SLIT3: variants seen among roughly 807,000 people sequenced by gnomAD.
The protein encoded by SLIT3 is slit homolog 3 protein.
In SLIT3, 68 loss-of-function variants were observed where a neutral mutation model predicts 184.0. The observed-to-expected ratio is 0.37, with a 90% CI of 0.30 to 0.45. The LOEUF (loss-of-function observed/expected upper bound fraction) is 0.45. Among genes scored for constraint, SLIT3 ranks in the 20% least tolerant of loss-of-function variants. SLIT3 has a pLI of 1.00. For missense variants in SLIT3, 1,707 were observed against 2,026.0 expected (o/e 0.84, Z 3.02); for synonymous variants, 831 against 828.6 (o/e 1.00, Z -0.05).
At chr5:169,133,251 C>G (rs1761370605) in intron 4 of SLIT3, among the ~76,000 whole-genome samples, 1 of 152,254 alleles carries the variant, frequency 6.6e-6, no homozygotes, top group African/African-American at 2.4e-5. Context: ...GGGCACGGCC[C>G]AGGCACAAGC....
chr5:168,681,679 A>G (rs1761596480), intron 32 of SLIT3, among the ~76,000 whole-genome samples: 1 of 152,166 alleles, frequency 6.6e-6, no homozygotes, highest in African/African-American at 2.4e-5. Context: ...AACTCAGCAC[A>G]GTGCTGCGAC....
intron 4 of SLIT3, among the ~76,000 whole-genome samples, chr5:169,097,378 A>G (rs887581214): frequency 6.6e-6 from 1 of 152,102 alleles, no homozygotes; most frequent in African/African-American, 2.4e-5. Flanking sequence ...GAGGAGGAAA[A>G]GGGGAGAGGA....
chr5:168,967,374 A>G (rs1475863825), intron 4 of SLIT3, among the ~76,000 whole-genome samples: 1 of 150,630 alleles, frequency 6.6e-6, no homozygotes, highest in African/African-American at 2.4e-5. Context: ...CAGTAAATAT[A>G]TAACACTTGC....
In SLIT3 at chr5:169,193,373, C is replaced by T. The variant is rs187333172; in HGVS notation, c.413+106G>A. 252 of 888,892 alleles carry T rather than the reference C, an allele frequency of 2.8e-4. 1 individual carries two copies. In the East Asian group the frequency reaches 6.1e-3, roughly 21 times the overall value. The allele number at this position is 888,892 out of a possible 1,614,324, so 55.1% of individuals were successfully genotyped here. On this transcript the variant is annotated intron_variant, in intron 4 of 35. Coordinates refer to ENST00000519560, the MANE Select transcript of SLIT3 (RefSeq NM_003062.4). ...CCTGCTCCAAGTCTCTATGTCAGGGCCTAACTGCCAAGCTCCACACGGCAC... is the reference window on the plus strand; with the variant it reads ...CCTGCTCCAAGTCTCTATGTCAGGGTCTAACTGCCAAGCTCCACACGGCAC...
chr5:169,251,252 A>G (rs1765763423), intron 2 of SLIT3, 136 bp downstream of exon 2: 1 of 687,586 alleles, frequency 1.5e-6, no homozygotes, highest in African/African-American at 1.7e-5. Flanking sequence ...TACGCTAACG[A>G]GGGGCTTTCT....
chr5:169,145,827 T>C (rs965819987), intron 4 of SLIT3, among the ~76,000 whole-genome samples: 3 of 152,172 alleles, frequency 2.0e-5, no homozygotes, highest in African/African-American at 7.2e-5. Flanking sequence ...GCGGACAGAT[T>C]GCCTGAGGTC....
chr5:169,112,735 G>A (rs558314604), intron 4 of SLIT3, among the ~76,000 whole-genome samples: 1 of 152,262 alleles, frequency 6.6e-6, no homozygotes, highest in South Asian at 2.1e-4. Context: ...CACCCAATGG[G>A]AGTCATGAGC....
intron 1 of SLIT3, among the ~76,000 whole-genome samples, chr5:169,288,995 C>T (rs62376948): frequency 0.021 from 3,149 of 152,272 alleles, 52 homozygotes; most frequent in Non-Finnish European, 0.032. Flanking sequence ...TGGGTGGACT[C>T]ATTAAGGTAT....
At chr5:169,056,095 T>C (rs997367180) in intron 4 of SLIT3, among the ~76,000 whole-genome samples, 2 of 152,030 alleles carry the variant, frequency 1.3e-5, no homozygotes, top group African/African-American at 4.8e-5. Context: ...TTTGTAGAAG[T>C]CCAGGAACAA....
At chr5:169,293,681 C>A (rs2113663526) in intron 1 of SLIT3, among the ~76,000 whole-genome samples, 1 of 152,236 alleles carries the variant, frequency 6.6e-6, no homozygotes, top group South Asian at 2.1e-4. Flanking sequence ...GGCTTTGGGC[C>A]CCAGAGTCTG....
chr5:168,960,328 A>G (rs1199196965), intron 4 of SLIT3, among the ~76,000 whole-genome samples: 1 of 152,234 alleles, frequency 6.6e-6, no homozygotes, highest in Non-Finnish European at 1.5e-5. Context: ...TCTGAATTAC[A>G]AAGTTTTTGA....
chr5:168,936,296 G>A (rs1291591120), intron 4 of SLIT3, among the ~76,000 whole-genome samples: 1 of 152,154 alleles, frequency 6.6e-6, no homozygotes, highest in Non-Finnish European at 1.5e-5. Context: ...GTTCAGTGGT[G>A]CAATCTCGGC....
chr5:168,868,735 G>T (rs1759399781), intron 5 of SLIT3, among the ~76,000 whole-genome samples: 1 of 139,576 alleles, frequency 7.2e-6, no homozygotes. Flanking sequence ...GTGGCAGTGT[G>T]GGAATCTGCC....
At chr5:169,186,125 G>A (rs565817572) in intron 4 of SLIT3, among the ~76,000 whole-genome samples, 12 of 152,196 alleles carry the variant, frequency 7.9e-5, no homozygotes, top group Admixed American at 5.2e-4. Flanking sequence ...CTCCCTCCCC[G>A]AAATGCTTAT....
At chr5:169,207,282 C>A (rs1450160594) in intron 3 of SLIT3, among the ~76,000 whole-genome samples, 1 of 151,548 alleles carries the variant, frequency 6.6e-6, no homozygotes, top group Non-Finnish European at 1.5e-5. Flanking sequence ...TGGCCCAATT[C>A]GTGGACTGAA....
intron 4 of SLIT3, among the ~76,000 whole-genome samples, chr5:169,190,756 A>G (rs1763527599): frequency 6.6e-6 from 1 of 152,210 alleles, no homozygotes; most frequent in African/African-American, 2.4e-5. Context: ...CACTGTGTCT[A>G]TTGAGATGCA....
At chr5:168,765,166 C>T (rs906963243) in intron 14 of SLIT3, among the ~76,000 whole-genome samples, 5 of 152,246 alleles carry the variant, frequency 3.3e-5, no homozygotes, top group Middle Eastern at 3.4e-3. Context: ...AGGCGTGCAC[C>T]GGCTGGGCTG....
chr5:169,211,101 C>G (rs1431970291), intron 3 of SLIT3, among the ~76,000 whole-genome samples: 2 of 152,118 alleles, frequency 1.3e-5, no homozygotes, highest in African/African-American at 4.8e-5. Flanking sequence ...TTCCTGAACC[C>G]AAATCACAGC....
At chr5:169,260,339 C>T (rs1409075423) in intron 1 of SLIT3, among the ~76,000 whole-genome samples, 9 of 152,108 alleles carry the variant, frequency 5.9e-5, no homozygotes, top group Non-Finnish European at 8.8e-5. Context: ...GCACTCACTA[C>T]GCTTTCCACC....
Sources: allele counts gnomAD v4.1 joint callset (sites outside exome capture counted in the v4.1 genomes callset), GRCh38; gene constraint gnomAD v4.1.1; transcripts MANE v1.5; gene names NCBI Gene and HGNC (gene_info 2026-07-23, HGNC 2026-07-21).